MECOM: variants seen among roughly 807,000 people sequenced by gnomAD.
MECOM encodes MDS1 and EVI1 complex locus.
A neutral mutation model predicts 116.3 loss-of-function variants in MECOM; 13 were observed. That is an observed-to-expected ratio of 0.11 (90% CI 0.07 to 0.18). MECOM has a LOEUF of 0.18. MECOM is among the 10% of genes least tolerant of loss of function. The pLI, the probability that MECOM is intolerant of heterozygous loss-of-function variation, is 1.00. For missense variants in MECOM, 1,299 were observed against 1,509.0 expected (o/e 0.86, Z 2.31); for synonymous variants, 528 against 535.2 (o/e 0.99, Z 0.19).
intron 1 of MECOM, among the ~76,000 whole-genome samples, chr3:169,439,283 T>C (rs897768897): frequency 3.7e-4 from 55 of 147,582 alleles, no homozygotes; most frequent in Non-Finnish European, 7.3e-4. Context: ...CTAGGAAAGA[T>C]ATTTAAAAAT....
intron 2 of MECOM, among the ~76,000 whole-genome samples, chr3:169,166,148 G>A (rs553825610): frequency 7.9e-5 from 12 of 152,168 alleles, no homozygotes; most frequent in African/African-American, 2.2e-4. Context: ...TTGCAGCAGC[G>A]GTTGCTGACA....
intron 2 of MECOM, among the ~76,000 whole-genome samples, chr3:169,345,147 A>G (rs1473806095): frequency 6.6e-6 from 1 of 152,160 alleles, no homozygotes; most frequent in African/African-American, 2.4e-5. Flanking sequence ...GACCTGCATC[A>G]TAGCAATAAT....
rs369023274 is a variant in MECOM, at chr3:169,352,728, C to A, written c.375+28459G>T. Reference sequence around the variant, plus strand: ...AAAGACAAACCAACTTCATTTTGTCCAATAGGCATTTGAGCCCATACTCAG... The same window carrying A: ...AAAGACAAACCAACTTCATTTTGTCAAATAGGCATTTGAGCCCATACTCAG... On this transcript the variant is annotated intron_variant, in intron 2 of 16. Transcript: ENST00000651503. Among the ~76,000 whole-genome samples the A allele has an allele frequency of 2.6e-5, 4 of 151,750 alleles. No individual in the cohort carries two copies. The East Asian group carries it at 7.8e-4, about 30-fold the overall frequency.
At chr3:169,551,747 T>C (rs1761428323) in intron 1 of MECOM, among the ~76,000 whole-genome samples, 1 of 152,186 alleles carries the variant, frequency 6.6e-6, no homozygotes, top group Non-Finnish European at 1.5e-5. Context: ...CACATAAAAC[T>C]TGTTCACAAA....
At chr3:169,407,659 C>T (rs1436333596) in intron 1 of MECOM, among the ~76,000 whole-genome samples, 3 of 152,148 alleles carry the variant, frequency 2.0e-5, no homozygotes, top group Non-Finnish European at 4.4e-5. Flanking sequence ...ACACATAATC[C>T]AAAATAATAA....
intron 2 of MECOM, among the ~76,000 whole-genome samples, chr3:169,324,062 G>T (rs551209791): frequency 6.6e-6 from 1 of 152,290 alleles, no homozygotes; most frequent in South Asian, 2.1e-4. Flanking sequence ...TGGCTTGCAG[G>T]AATGTGTTCC....
At chr3:169,411,511 A>C (rs1737550972) in intron 1 of MECOM, among the ~76,000 whole-genome samples, 1 of 152,236 alleles carries the variant, frequency 6.6e-6, no homozygotes, top group African/African-American at 2.4e-5. Context: ...TGTATGAAGA[A>C]GCTGTAGAGG....
chr3:169,093,983 A>G (rs1048345807), intron 13 of MECOM, among the ~76,000 whole-genome samples: 4 of 152,194 alleles, frequency 2.6e-5, no homozygotes, highest in African/African-American at 9.6e-5. Flanking sequence ...CTTTTTTCTT[A>G]AAATAACTTT....
chr3:169,445,293 T>C (rs1469400499), intron 1 of MECOM, among the ~76,000 whole-genome samples: 3 of 151,936 alleles, frequency 2.0e-5, no homozygotes, highest in Admixed American at 6.6e-5. Context: ...GGGCCCAGGG[T>C]CCCCATGCTG....
chr3:169,321,411 G>A (rs35422738), intron 2 of MECOM, among the ~76,000 whole-genome samples: 1,689 of 152,156 alleles, frequency 0.011, 19 homozygotes, highest in Non-Finnish European at 0.017. Context: ...ATGGTGGCAC[G>A]CGCCTTTACT....
intron 1 of MECOM, among the ~76,000 whole-genome samples, chr3:169,414,690 G>A (rs2108473027): frequency 6.6e-6 from 1 of 152,256 alleles, no homozygotes; most frequent in Middle Eastern, 3.4e-3. Flanking sequence ...AAGAACGTAA[G>A]TGATCTGATG....
At chr3:169,532,481 G>T (rs911592469) in intron 1 of MECOM, among the ~76,000 whole-genome samples, 1 of 152,130 alleles carries the variant, frequency 6.6e-6, no homozygotes, top group Non-Finnish European at 1.5e-5. Flanking sequence ...CTCCTTCATG[G>T]ACTTATCAGG....
chr3:169,491,215 G>A (rs986889810), intron 1 of MECOM, among the ~76,000 whole-genome samples: 1 of 152,092 alleles, frequency 6.6e-6, no homozygotes, highest in South Asian at 2.1e-4. Flanking sequence ...TGAAAAAGGA[G>A]AATAGATATT....
intron 1 of MECOM, among the ~76,000 whole-genome samples, chr3:169,498,271 T>A (rs1754079714): frequency 6.6e-6 from 1 of 152,198 alleles, no homozygotes; most frequent in African/African-American, 2.4e-5. Flanking sequence ...AACTTATTTT[T>A]AAATCCCACG....
chr3:169,422,764 T>C (rs867415421), intron 1 of MECOM, among the ~76,000 whole-genome samples: 8 of 152,086 alleles, frequency 5.3e-5, no homozygotes, highest in Non-Finnish European at 4.4e-5. Context: ...ATGGACTTCA[T>C]AGTCAAAAAA....
intron 1 of MECOM, among the ~76,000 whole-genome samples, chr3:169,569,777 A>T (rs1225646646): frequency 6.6e-6 from 1 of 152,136 alleles, no homozygotes; most frequent in Non-Finnish European, 1.5e-5. Context: ...GTTCTTTGAA[A>T]CTTATTTCAA....
chr3:169,518,173 GGT>G (rs1553876365), intron 1 of MECOM, among the ~76,000 whole-genome samples: 6 of 152,012 alleles, frequency 3.9e-5, no homozygotes, highest in Non-Finnish European at 8.8e-5. Flanking sequence ...GCAGGAGAAT[GGT>G]GCGAACCCGG....
chr3:169,123,882 C>T (rs1297427235), intron 5 of MECOM, among the ~76,000 whole-genome samples: 3 of 152,000 alleles, frequency 2.0e-5, no homozygotes, highest in African/African-American at 2.4e-5. Flanking sequence ...AAACAGAACC[C>T]CAATGGTCTC....
chr3:169,622,705 G>A (rs1770902361), intron 1 of MECOM, among the ~76,000 whole-genome samples: 1 of 151,938 alleles, frequency 6.6e-6, no homozygotes, highest in South Asian at 2.1e-4. Context: ...CTCTTTTATT[G>A]TGTGCCTGGC....
Sources: gnomAD v4.1 joint callset for allele counts (sites outside exome capture counted in the v4.1 genomes callset) on GRCh38, gnomAD v4.1.1 for gene constraint, MANE v1.5 for transcripts, NCBI Gene and HGNC (gene_info 2026-07-23, HGNC 2026-07-21) for gene names.